The following NEK11 variants were observed in gnomAD, a reference collection of about 807,000 sequenced individuals.
NEK11 encodes the protein serine/threonine-protein kinase Nek11.
In NEK11, 72 loss-of-function variants were observed where a neutral mutation model predicts 80.7. The observed-to-expected ratio is 0.89, with a 90% CI of 0.74 to 1.08. NEK11 has a LOEUF of 1.08. NEK11 is among the 50% of genes least tolerant of loss of function. The pLI is 0.00. For synonymous variants in NEK11, 251 were observed against 260.7 expected, an observed-to-expected ratio of 0.96 and a Z score of 0.36; for missense variants, 764 against 763.6, an observed-to-expected ratio of 1.00 and a Z score of -0.01.
chr3:131,275,592 A>C (rs2096278744), intron 17 of NEK11, among the ~76,000 whole-genome samples: 1 of 152,156 alleles, frequency 6.6e-6, no homozygotes, highest in African/African-American at 2.4e-5. Context: ...CTAGTGGAAT[A>C]ACCTGCCATC....
rs141453517 is a variant in NEK11, at chr3:131,232,769, G to A, written c.1560+4081G>A. Among the ~76,000 whole-genome samples the A allele has an allele frequency of 8.5e-5, 13 of 152,268 alleles. No individual in the cohort carries two copies. In the East Asian group the frequency reaches 2.1e-3, roughly 25 times the overall value. On this transcript the variant is annotated intron_variant, in intron 15 of 17. Transcript: ENST00000383366. ...ATGGTAGGTGCCTCCAAGAGTTCCT[G>A]CTGTTAGTTGAGTCATTAGTTTAAT...
chr3:131,334,916 C>A, intron 17 of NEK11, among the ~76,000 whole-genome samples: 1 of 152,128 alleles, frequency 6.6e-6, no homozygotes, highest in East Asian at 1.9e-4. Flanking sequence ...AAGACTAAAC[C>A]AGGAAGAAGT....
chr3:131,309,475 C>A (rs976226227), intron 17 of NEK11, among the ~76,000 whole-genome samples: 4 of 152,182 alleles, frequency 2.6e-5, no homozygotes, highest in Non-Finnish European at 5.9e-5. Context: ...AACCTCCTCT[C>A]CTCCTACTTG....
chr3:131,269,591 T>C (rs2096138055), intron 16 of NEK11, among the ~76,000 whole-genome samples: 1 of 152,192 alleles, frequency 6.6e-6, no homozygotes, highest in African/African-American at 2.4e-5. Flanking sequence ...GAGATGAGCT[T>C]GGTACCTCAG....
chr3:131,118,809 G>A (rs140711624), intron 5 of NEK11, among the ~76,000 whole-genome samples: 2,099 of 152,008 alleles, frequency 0.014, 45 homozygotes, highest in African/African-American at 0.046. Flanking sequence ...CTGTGGGATC[G>A]GTGGTGATAT....
chr3:131,169,999 A>G (rs2092570879), intron 13 of NEK11, among the ~76,000 whole-genome samples: 1 of 152,186 alleles, frequency 6.6e-6, no homozygotes, highest in Non-Finnish European at 1.5e-5. Context: ...CTTTATGATG[A>G]TATTCTCACA....
At chr3:131,192,742 T>G (rs1288671581) in intron 14 of NEK11, among the ~76,000 whole-genome samples, 1 of 152,110 alleles carries the variant, frequency 6.6e-6, no homozygotes, top group Admixed American at 6.6e-5. Flanking sequence ...GCCAAAATCA[T>G]AGAGACAGAA....
intron 16 of NEK11, among the ~76,000 whole-genome samples, chr3:131,248,237 A>G (rs1294567932): frequency 6.6e-6 from 1 of 152,032 alleles, no homozygotes; most frequent in Non-Finnish European, 1.5e-5. Context: ...TGTGTCATAT[A>G]TGGCCTTTAT....
intron 4 of NEK11, among the ~76,000 whole-genome samples, 188 bp downstream of exon 4, chr3:131,080,776 G>GT (rs781400870): frequency 2.6e-5 from 4 of 152,138 alleles, no homozygotes; most frequent in African/African-American, 7.2e-5. Flanking sequence ...CTAAGGAAGG[G>GT]TTTTTCCCTC....
intron 5 of NEK11, among the ~76,000 whole-genome samples, chr3:131,117,188 A>G (rs1472229645): frequency 1.3e-5 from 2 of 152,278 alleles, no homozygotes; most frequent in African/African-American, 2.4e-5. Context: ...TCAGCTTTCT[A>G]CTTATGGCTA....
At chr3:131,211,614 A>G (rs2094618709) in intron 14 of NEK11, among the ~76,000 whole-genome samples, 1 of 152,144 alleles carries the variant, frequency 6.6e-6, no homozygotes, top group African/African-American at 2.4e-5. Context: ...CCAATCAAAC[A>G]TAGATTTGGT....
At chr3:131,047,828 C>T (rs1211113972) in intron 3 of NEK11, among the ~76,000 whole-genome samples, 1 of 152,152 alleles carries the variant, frequency 6.6e-6, no homozygotes, top group African/African-American at 2.4e-5. Flanking sequence ...GTAGGTGGGA[C>T]CATAGAGCTC....
intron 7 of NEK11, among the ~76,000 whole-genome samples, chr3:131,134,772 C>T (rs1435670000): frequency 6.6e-6 from 1 of 152,098 alleles, no homozygotes; most frequent in Non-Finnish European, 1.5e-5. Context: ...TTTCTCTGAG[C>T]TCTTATATTA....
intron 16 of NEK11, among the ~76,000 whole-genome samples, chr3:131,272,095 C>T (rs893901835): frequency 6.6e-6 from 1 of 151,996 alleles, no homozygotes; most frequent in East Asian, 1.9e-4. Context: ...AGCGAAACTC[C>T]GTCTCAAAAA....
At chr3:131,326,631 A>G (rs567440635) in intron 17 of NEK11, among the ~76,000 whole-genome samples, 1 of 152,168 alleles carries the variant, frequency 6.6e-6, no homozygotes, top group African/African-American at 2.4e-5. Flanking sequence ...ACCACCACCT[A>G]TACTATCCCT....
At chr3:131,076,473 G>C (rs1329067638) in intron 3 of NEK11, among the ~76,000 whole-genome samples, 4 of 151,958 alleles carry the variant, frequency 2.6e-5, no homozygotes, top group Admixed American at 2.6e-4. Flanking sequence ...ATTTAAGAAA[G>C]GCAGATAAAA....
chr3:131,173,758 C>T (rs1001177597), intron 14 of NEK11, among the ~76,000 whole-genome samples: 3 of 151,994 alleles, frequency 2.0e-5, no homozygotes, highest in Non-Finnish European at 2.9e-5. Context: ...ACCACAGGTT[C>T]CAGCTACTAT....
At chr3:131,197,327 G>A (rs1382609671) in intron 14 of NEK11, among the ~76,000 whole-genome samples, 3 of 152,064 alleles carry the variant, frequency 2.0e-5, no homozygotes, top group African/African-American at 4.8e-5. Flanking sequence ...GGGTGCCTTC[G>A]ATGTCATTAA....
chr3:131,169,148 G>T (rs1560763653), intron 13 of NEK11, among the ~76,000 whole-genome samples: 2 of 152,210 alleles, frequency 1.3e-5, no homozygotes, highest in Non-Finnish European at 2.9e-5. Context: ...AAAGAAAAAT[G>T]TGATAAGGAG....
Sources: gnomAD v4.1 joint callset for allele counts (sites outside exome capture counted in the v4.1 genomes callset) on GRCh38, gnomAD v4.1.1 for gene constraint, MANE v1.5 for transcripts, NCBI Gene and HGNC (gene_info 2026-07-23, HGNC 2026-07-21) for gene names.